Variants in EFL1 observed in about 807,000 individuals in gnomAD.
The protein encoded by EFL1 is elongation factor like GTPase 1, also known as elongation factor-like GTPase 1.
EFL1 carries 76 observed loss-of-function variants against 126.7 expected under a neutral mutation model. The ratio of observed to expected loss-of-function variants is 0.60; its 90% CI spans 0.50 to 0.73. The LOEUF is 0.73. Ranked by LOEUF, EFL1 falls within the 30% of genes least tolerant of loss-of-function variation. The pLI is 0.00. For synonymous variants in EFL1, 410 were observed against 448.4 expected, an observed-to-expected ratio of 0.91 and a Z score of 1.08; for missense variants, 1,128 against 1,343.2, an observed-to-expected ratio of 0.84 and a Z score of 2.50.
chr15:82,228,906 C>T (rs2074792154), intron 9 of EFL1, 128 bp downstream of exon 9: 7 of 755,826 alleles, frequency 9.3e-6, no homozygotes, highest in Non-Finnish European at 1.5e-5. Flanking sequence ...CTGTAATCAA[C>T]TCATCTGTAG....
intron 18 of EFL1, among the ~76,000 whole-genome samples, chr15:82,147,319 G>A (rs1156917353): frequency 6.6e-6 from 1 of 152,110 alleles, no homozygotes; most frequent in Non-Finnish European, 1.5e-5. Context: ...AGACCTATGC[G>A]GGCCCTGGAC....
chr15:82,184,455 G>A (rs1042687466), intron 15 of EFL1, among the ~76,000 whole-genome samples: 2 of 152,140 alleles, frequency 1.3e-5, no homozygotes, highest in African/African-American at 4.8e-5. Context: ...GTTGCCTGGT[G>A]GAAGTAAGCA....
intron 18 of EFL1, among the ~76,000 whole-genome samples, chr15:82,148,065 T>C (rs1260653060): frequency 6.6e-6 from 1 of 152,126 alleles, no homozygotes; most frequent in African/African-American, 2.4e-5. Context: ...TTGTATTATA[T>C]ACTGTTTGAG....
intron 18 of EFL1, among the ~76,000 whole-genome samples, chr15:82,145,844 CA>C (rs5814101): frequency 6.1e-4 from 84 of 138,016 alleles, no homozygotes; most frequent in South Asian, 7.0e-4. Context: ...CTCAAAAAAC[CA>C]AAAAAAAAAA....
intron 15 of EFL1, among the ~76,000 whole-genome samples, chr15:82,166,062 C>T (rs780293661): frequency 6.6e-6 from 1 of 152,178 alleles, no homozygotes; most frequent in Non-Finnish European, 1.5e-5. Context: ...CTAGAAATAA[C>T]ATCTCCCTAG....
rs373183367 is a variant in EFL1 at position 82,219,768 on chromosome 15, C to T, written c.1495G>A (p.Glu499Lys). 1 of 1,614,066 alleles carries T rather than the reference C, an allele frequency of 6.2e-7. No homozygotes were observed. Among genetic ancestry groups the T allele is most frequent in the Non-Finnish European group, 8.5e-7 (1 of 1,179,964 alleles). The change falls in exon 14 of 20, where the codon GAA (glutamate) becomes AAA (lysine). Residue 499 changes from glutamate to lysine, a missense_variant. Glu to Lys is a moderately conservative substitution (Grantham distance 56). This residue lies in a region of EFL1 where 120 missense variants were observed against 142.1 expected (regional missense o/e 0.84). Coordinates refer to ENST00000268206, the MANE Select transcript of EFL1 (RefSeq NM_024580.6). ...SMTPKPVLQE[E>K]NNQESFIAFA... is the part of the protein sequence containing the mutation. ...GCAATAAAAGACTCTTGGTTGTTTT[C>T]TTCCTGGAGCACAGGTTTAGGGGTC...
intron 15 of EFL1, among the ~76,000 whole-genome samples, chr15:82,212,652 T>C (rs2074602350): frequency 6.6e-6 from 1 of 152,178 alleles, no homozygotes. Context: ...AGAACCTTAA[T>C]GGAGGCACCT....
chr15:82,254,528 C>G (rs1320444078), intron 3 of EFL1, among the ~76,000 whole-genome samples: 2 of 152,092 alleles, frequency 1.3e-5, no homozygotes, highest in Non-Finnish European at 2.9e-5. Flanking sequence ...TAACCACTAT[C>G]TTGAATTTTA....
chr15:82,162,259 G>C (rs2074031121), intron 16 of EFL1, among the ~76,000 whole-genome samples: 1 of 152,088 alleles, frequency 6.6e-6, no homozygotes, highest in East Asian at 1.9e-4. Flanking sequence ...CTCCGGCCTG[G>C]GTGACAGTGA....
intron 15 of EFL1, among the ~76,000 whole-genome samples, chr15:82,179,092 TA>T (rs2074222885): frequency 6.6e-6 from 1 of 152,102 alleles, no homozygotes; most frequent in African/African-American, 2.4e-5. Context: ...TACAGTAAAC[TA>T]TGATCGTGCC....
intron 18 of EFL1, among the ~76,000 whole-genome samples, chr15:82,143,239 G>A (rs2073808200): frequency 6.6e-6 from 1 of 151,998 alleles, no homozygotes; most frequent in African/African-American, 2.4e-5. Flanking sequence ...TGAAAATTAT[G>A]AATTCTAAGT....
At chr15:82,249,443 A>T (rs533027583) in intron 4 of EFL1, among the ~76,000 whole-genome samples, 56 of 152,208 alleles carry the variant, frequency 3.7e-4, no homozygotes, top group African/African-American at 1.2e-3. Context: ...AGCAACAGCA[A>T]TATTTGCTCA....
At chr15:82,133,030 T>C (rs1392375937) in intron 19 of EFL1, among the ~76,000 whole-genome samples, 2 of 152,112 alleles carry the variant, frequency 1.3e-5, no homozygotes, top group Non-Finnish European at 2.9e-5. Context: ...ACAGCCTGAC[T>C]GGTCAAAAGC....
intron 15 of EFL1, 112 bp downstream of exon 15, chr15:82,214,605 T>C: frequency 7.0e-7 from 1 of 1,426,206 alleles, no homozygotes; most frequent in Non-Finnish European, 9.5e-7. Context: ...AAAAAAAAAT[T>C]ATCAAACTAA....
chr15:82,138,324 T>A (rs2073743933), intron 19 of EFL1, among the ~76,000 whole-genome samples: 1 of 152,160 alleles, frequency 6.6e-6, no homozygotes, highest in East Asian at 1.9e-4. Context: ...TGATTTTCTT[T>A]TAAAAATCTA....
chr15:82,246,033 AAAC>A (rs2074969838), intron 4 of EFL1, among the ~76,000 whole-genome samples: 1 of 152,042 alleles, frequency 6.6e-6, no homozygotes, highest in East Asian at 1.9e-4. Flanking sequence ...TTTGCTGCAC[AAAC>A]CCGACCCGAA....
At chr15:82,179,533 C>T (rs1186259483) in intron 15 of EFL1, among the ~76,000 whole-genome samples, 1 of 152,008 alleles carries the variant, frequency 6.6e-6, no homozygotes, top group Admixed American at 6.6e-5. Context: ...CTGGAGAGAG[C>T]CCAGTTTTCC....
chr15:82,228,317 T>C lies in EFL1; in HGVS notation c.943A>G (p.Lys315Glu), dbSNP rs2074785904. Residue 315 changes from lysine (K) to glutamate (E), a missense_variant, in exon 10 of 20, where the codon AAA becomes GAA. Lys to Glu is a moderately conservative substitution (Grantham distance 56). Around this residue, in one of 6 missense-constraint regions of EFL1, gnomAD observed 316 missense variants for 318.5 expected, o/e 0.99. Coordinates refer to ENST00000268206, the MANE Select transcript of EFL1 (RefSeq NM_024580.6). ...AAAGAAGTCACTATTTTATCAATTT[T>C]GTCTTTGTCCCTGTGGTAAACACAA... ...YDAVLKKDKDKIDKIVTSLGL... is the reference protein window; with the variant it reads ...YDAVLKKDKDEIDKIVTSLGL... The C allele has an allele frequency of 3.1e-6, 5 of 1,613,724 alleles. No homozygotes were observed. The highest frequency in any genetic ancestry group is 4.2e-6 in the Non-Finnish European group (5 of 1,179,834).
intron 15 of EFL1, among the ~76,000 whole-genome samples, chr15:82,205,326 T>C (rs1339814293): frequency 6.6e-6 from 1 of 152,236 alleles, no homozygotes; most frequent in Non-Finnish European, 1.5e-5. Flanking sequence ...AAATGCTCGT[T>C]GTGGCTTTTC....
Sources: gnomAD v4.1 joint callset for allele counts (sites outside exome capture counted in the v4.1 genomes callset) on GRCh38, gnomAD v4.1.1 for gene constraint, gnomAD v4.1.1 regional missense constraint, MANE v1.5 for transcripts, NCBI Gene and HGNC (gene_info 2026-07-23, HGNC 2026-07-21) for gene names.